Variants in PCDH15 observed in about 807,000 individuals in gnomAD.
PCDH15 encodes protocadherin-15.
PCDH15 carries 129 observed loss-of-function variants against 178.5 expected under a neutral mutation model. The ratio of observed to expected loss-of-function variants is 0.72; its 90% confidence interval spans 0.63 to 0.84. The LOEUF is 0.84. PCDH15 is among the 40% of genes least tolerant of loss of function. The probability of loss-of-function intolerance (pLI) is 0.00; values close to 1 mark genes in which losing one functional copy is unlikely to be tolerated. For synonymous variants in PCDH15, 800 were observed against 732.0 expected (o/e 1.09, Z -1.50); for missense variants, 2,230 against 2,099.9 (o/e 1.06, Z -1.21).
At chr10:53,991,953 C>G (rs1426036089) in intron 21 of PCDH15, among the ~76,000 whole-genome samples, 1 of 152,102 alleles carries the variant, frequency 6.6e-6, no homozygotes, top group African/African-American at 2.4e-5. Context: ...CAGCCGCAAC[C>G]CGCTCGGGTC....
chr10:55,011,956 C>T (rs961773348), intron 2 of PCDH15, among the ~76,000 whole-genome samples: 4 of 152,000 alleles, frequency 2.6e-5, no homozygotes, highest in Non-Finnish European at 4.4e-5. Context: ...AACATCCAAA[C>T]AATACTAAAT....
At chr10:55,243,249 C>T (rs1369951693) in intron 1 of PCDH15, among the ~76,000 whole-genome samples, 1 of 152,108 alleles carries the variant, frequency 6.6e-6, no homozygotes, top group Non-Finnish European at 1.5e-5. Flanking sequence ...AAACACACAA[C>T]AAATGAACAA....
At chr10:54,542,455 T>C (rs1314453631) in intron 2 of PCDH15, among the ~76,000 whole-genome samples, 2 of 152,112 alleles carry the variant, frequency 1.3e-5, no homozygotes. Flanking sequence ...AAGGTGAATA[T>C]CCAAGGGTGG....
intron 2 of PCDH15, among the ~76,000 whole-genome samples, chr10:55,056,458 G>C (rs1000215477): frequency 6.6e-6 from 1 of 151,586 alleles, no homozygotes; most frequent in Admixed American, 6.6e-5. Context: ...AATTTTCATT[G>C]AGTTACCATT....
intron 2 of PCDH15, among the ~76,000 whole-genome samples, chr10:54,622,794 C>A (rs2093429403): frequency 1.8e-5 from 1 of 55,052 alleles, no homozygotes; most frequent in African/African-American, 6.6e-5. Flanking sequence ...GTGGGAAAAA[C>A]CATTAATCCA....
At chr10:54,070,489 C>CCAT (rs1398923727) in intron 17 of PCDH15, among the ~76,000 whole-genome samples, 12 of 152,346 alleles carry the variant, frequency 7.9e-5, no homozygotes, top group Admixed American at 7.8e-4. Flanking sequence ...CAGGCGTGAG[C>CCAT]CATCGCACCC....
chr10:54,608,365 G>A (rs751313800), intron 2 of PCDH15, among the ~76,000 whole-genome samples: 23 of 151,682 alleles, frequency 1.5e-4, no homozygotes, highest in Non-Finnish European at 2.1e-4. Context: ...CAGCCACTTA[G>A]AGAGGCTGAT....
intron 23 of PCDH15, among the ~76,000 whole-genome samples, chr10:53,957,773 T>C (rs1365307372): frequency 6.6e-6 from 1 of 151,996 alleles, no homozygotes; most frequent in Non-Finnish European, 1.5e-5. Flanking sequence ...CTGTATTCCA[T>C]AGCAAAGAAT....
chr10:54,740,547 C>G (rs957501647), intron 1 of PCDH15, among the ~76,000 whole-genome samples: 6 of 151,776 alleles, frequency 4.0e-5, no homozygotes, highest in African/African-American at 1.5e-4. Context: ...AAAAGGAAAT[C>G]AGAATATCCA....
chr10:55,280,729 C>T (rs1842712663), intron 1 of PCDH15, among the ~76,000 whole-genome samples: 1 of 151,998 alleles, frequency 6.6e-6, no homozygotes, highest in African/African-American at 2.4e-5. Flanking sequence ...CCGCATTCAC[C>T]TAGAAGAACT....
intron 21 of PCDH15, among the ~76,000 whole-genome samples, chr10:53,993,179 A>G (rs926740210): frequency 6.6e-6 from 1 of 152,254 alleles, no homozygotes; most frequent in East Asian, 1.9e-4. Context: ...TAATTCTCAT[A>G]GCCCTTACAT....
chr10:54,404,602 T>C (rs1952382995), intron 3 of PCDH15, among the ~76,000 whole-genome samples: 1 of 152,070 alleles, frequency 6.6e-6, no homozygotes, highest in Non-Finnish European at 1.5e-5. Context: ...AAAGATGGCA[T>C]GACCAAGATG....
At chr10:55,195,319 G>T (rs1198090943) in intron 1 of PCDH15, among the ~76,000 whole-genome samples, 1 of 150,870 alleles carries the variant, frequency 6.6e-6, no homozygotes, top group Non-Finnish European at 1.5e-5. Context: ...CACTGCGCCC[G>T]GCCAGAAATT....
intron 3 of PCDH15, among the ~76,000 whole-genome samples, chr10:54,872,090 T>C (rs894424903): frequency 6.6e-6 from 1 of 152,106 alleles, no homozygotes; most frequent in African/African-American, 2.4e-5. Context: ...AAATAAAGTG[T>C]CTTTAAGTCC....
chr10:54,146,888 G>A (rs1260891852), intron 14 of PCDH15, among the ~76,000 whole-genome samples: 3 of 58,346 alleles, frequency 5.1e-5, no homozygotes, highest in African/African-American at 9.6e-5. Flanking sequence ...TATATAGTGT[G>A]TGTATACATA....
intron 25 of PCDH15, among the ~76,000 whole-genome samples, chr10:53,913,516 G>A (rs571257566): frequency 3.3e-5 from 5 of 151,566 alleles, no homozygotes; most frequent in South Asian, 2.1e-4. Context: ...GGCGAATCAC[G>A]AGGTCAGGAG....
At chr10:54,394,939 A>C (rs1951013285) in intron 3 of PCDH15, among the ~76,000 whole-genome samples, 1 of 152,096 alleles carries the variant, frequency 6.6e-6, no homozygotes, top group African/African-American at 2.4e-5. Context: ...TGCCCAGCTC[A>C]CCGGTGGTCA....
intron 2 of PCDH15, among the ~76,000 whole-genome samples, chr10:55,422,392 A>G (rs1838643743): frequency 6.6e-6 from 1 of 151,880 alleles, no homozygotes. Flanking sequence ...ATTCCTATAC[A>G]TTCCAATAAT....
Position 54,146,947 on chromosome 10 carries a change from AGT to A in PCDH15, c.1784+6151_1784+6152del, listed in dbSNP as rs1366256146. Among the ~76,000 whole-genome samples the A allele has an allele frequency of 3.5e-5, 5 of 142,018 alleles. 1 individual carries two copies. The highest frequency in any genetic ancestry group is 1.4e-4 in the African/African-American group (5 of 36,186). 93.2% of individuals were successfully genotyped at this position (142,018 alleles called of 152,430 possible). On this transcript the variant is annotated intron_variant, in intron 14 of 37. Transcript: ENST00000644397. ...GTATATATATATAATGTATATATAT[AGT>A]GTATATATATATAATGTATATATAT...
Sources: allele counts gnomAD v4.1 joint callset (sites outside exome capture counted in the v4.1 genomes callset), GRCh38; gene constraint gnomAD v4.1.1; transcripts MANE v1.5; gene names NCBI Gene and HGNC (gene_info 2026-07-23, HGNC 2026-07-21).